Variants in TRIP4 observed in about 807,000 individuals in gnomAD.
TRIP4 encodes thyroid hormone receptor interactor 4.
A neutral mutation model predicts 81.8 loss-of-function variants in TRIP4; 54 were observed. That is an observed-to-expected ratio of 0.66 (90% confidence interval 0.53 to 0.83). The LOEUF is 0.83. TRIP4 is among the 40% of genes least tolerant of loss of function. TRIP4 has a pLI of 0.00. For synonymous variants in TRIP4, 270 were observed against 242.8 expected, an observed-to-expected ratio of 1.11 and a Z score of -1.04; for missense variants, 662 against 683.6, an observed-to-expected ratio of 0.97 and a Z score of 0.35.
rs559289135 is a variant in TRIP4 at position 64,387,853 on chromosome 15, G to A, written c.-11G>A. 6 of 1,542,856 alleles carry A rather than the reference G, an allele frequency of 3.9e-6. No homozygotes were observed. The highest frequency in any genetic ancestry group is 1.4e-5 in the African/African-American group (1 of 73,116). On this transcript the variant is annotated 5_prime_UTR_variant, in exon 1 of 13. Coordinates refer to ENST00000261884, the MANE Select transcript of TRIP4 (RefSeq NM_016213.5). ...GGGCTTTTGCAGCTCAGCTGGTTCC[G>A]GCTGGGGAAGATGGCGGTGGCTGGG...
In TRIP4 at chr15:64,445,024, G is replaced by C; in HGVS notation, c.1594G>C (p.Glu532Gln). 6.3e-7 allele frequency: 1 copy of C among 1,584,236 alleles called. No individual in the cohort carries two copies. Among genetic ancestry groups the C allele is most frequent in the Non-Finnish European group, 8.6e-7 (1 of 1,156,568 alleles). The change falls in exon 12 of 13, where the codon GAG becomes CAG. Residue 532 changes from glutamate (E) to glutamine (Q), a missense_variant. Coordinates refer to ENST00000261884, the MANE Select transcript of TRIP4 (RefSeq NM_016213.5). ...FKEQFPDISQ[E>Q]SDSPFVFICK... Reference sequence around the variant, plus strand: ...TTCACAGTTTCCAGACATCAGTCAAGAGTCTGATTCTCCATTTGTTTTCAT... The same window carrying C: ...TTCACAGTTTCCAGACATCAGTCAACAGTCTGATTCTCCATTTGTTTTCAT...
chr15:64,424,857 C>T (rs977798769), intron 10 of TRIP4, among the ~76,000 whole-genome samples: 1 of 152,146 alleles, frequency 6.6e-6, no homozygotes, highest in Non-Finnish European at 1.5e-5. Flanking sequence ...CTCACTGCAA[C>T]TTCCGCCTTC....
chr15:64,412,937 A>G (rs1891800575), intron 7 of TRIP4, among the ~76,000 whole-genome samples: 1 of 152,190 alleles, frequency 6.6e-6, no homozygotes, highest in Admixed American at 6.5e-5. Flanking sequence ...CATCATAGGC[A>G]TGGGATAACA....
intron 11 of TRIP4, among the ~76,000 whole-genome samples, chr15:64,439,923 A>G (rs1017469358): frequency 2.6e-5 from 4 of 152,076 alleles, no homozygotes; most frequent in African/African-American, 9.7e-5. Context: ...TGATCATTTC[A>G]GTACAAGAAT....
At chr15:64,426,061 C>A (rs1892134994) in intron 11 of TRIP4, among the ~76,000 whole-genome samples, 1 of 151,934 alleles carries the variant, frequency 6.6e-6, no homozygotes, top group Non-Finnish European at 1.5e-5. Context: ...CCAGCCTGGG[C>A]AACCGAGTGA....
At chr15:64,390,319 G>A (rs909269646) in intron 1 of TRIP4, among the ~76,000 whole-genome samples, 15 of 149,264 alleles carry the variant, frequency 1.0e-4, no homozygotes, top group East Asian at 2.1e-4. Context: ...AAACTTAGTC[G>A]GGTGTGGTGG....
intron 12 of TRIP4, among the ~76,000 whole-genome samples, chr15:64,450,165 G>A (rs1457932203): frequency 2.0e-5 from 3 of 151,994 alleles, no homozygotes; most frequent in Non-Finnish European, 4.4e-5. Context: ...AGGCCGAGGC[G>A]GATCACAAGG....
intron 12 of TRIP4, among the ~76,000 whole-genome samples, chr15:64,450,317 A>T (rs1892726494): frequency 7.2e-6 from 1 of 139,134 alleles, no homozygotes; most frequent in South Asian, 2.5e-4. Flanking sequence ...TGAACCCGGG[A>T]GGCGGAGCTT....
Position 64,387,892 on chromosome 15 carries a change from A to AGCCGCTGGT in TRIP4, c.32_40dup (p.Pro11_Val13dup). On this transcript the variant is annotated inframe_insertion, in exon 1 of 13. Coordinates refer to ENST00000261884, the MANE Select transcript of TRIP4 (RefSeq NM_016213.5). ...GCGGTGGCTGGGGCGGTGTCCGGGG[A>AGCCGCTGGT]GCCGCTGGTGCACTGGTGCACCCAG... The AGCCGCTGGT allele has an allele frequency of 6.5e-7, 1 of 1,548,978 alleles. No homozygotes were observed. Among genetic ancestry groups the AGCCGCTGGT allele is most frequent in the Non-Finnish European group, 8.7e-7 (1 of 1,146,888 alleles).
intron 9 of TRIP4, among the ~76,000 whole-genome samples, chr15:64,423,708 A>G (rs1033453608): frequency 2.0e-5 from 3 of 152,122 alleles, no homozygotes; most frequent in Non-Finnish European, 2.9e-5. Flanking sequence ...CCTTGAAAAT[A>G]TAGGATTTGT....
At chr15:64,430,882 G>T (rs1004581680) in intron 11 of TRIP4, among the ~76,000 whole-genome samples, 1 of 152,116 alleles carries the variant, frequency 6.6e-6, no homozygotes, top group Non-Finnish European at 1.5e-5. Flanking sequence ...TAGACTTGTA[G>T]TCTTCCAATA....
At chr15:64,404,610 C>G (rs1198529414) in intron 5 of TRIP4, among the ~76,000 whole-genome samples, 1 of 152,122 alleles carries the variant, frequency 6.6e-6, no homozygotes, top group African/African-American at 2.4e-5. Flanking sequence ...CGCGCTCGGC[C>G]TGTAATTTTA....
At chr15:64,414,009 G>A (rs1891830246) in intron 7 of TRIP4, 76 bp from the exon 8 acceptor site, 1 of 1,536,056 alleles carries the variant, frequency 6.5e-7, no homozygotes, top group Middle Eastern at 1.7e-4. Flanking sequence ...TACTATTAAA[G>A]CATTTTATGT....
At chr15:64,420,562 C>T (rs1341386016) in intron 9 of TRIP4, among the ~76,000 whole-genome samples, 3 of 143,948 alleles carry the variant, frequency 2.1e-5, no homozygotes, top group Non-Finnish European at 3.0e-5. Context: ...CTTGCTCTGT[C>T]GCCCTAGCTG....
chr15:64,421,776 G>A (rs1258411099), intron 9 of TRIP4, among the ~76,000 whole-genome samples: 1 of 152,168 alleles, frequency 6.6e-6, no homozygotes, highest in Non-Finnish European at 1.5e-5. Flanking sequence ...GGGCACGGTG[G>A]CTCACGCCTA....
Position 64,398,611 on chromosome 15 carries a change from T to C in TRIP4, c.618+793T>C, listed in dbSNP as rs548679873. Among the ~76,000 whole-genome samples, 5 of 152,094 alleles carry C rather than the reference T, an allele frequency of 3.3e-5. No homozygotes were observed. In the East Asian group the frequency reaches 9.7e-4, roughly 30 times the overall value. The stretch of plus-strand genomic sequence containing the variant: ...GAAAGAACCCCAGGTTATATCCTAG[T>C]ACTGAGGCCATTAATGAGAAGGGTT... On this transcript the variant is annotated intron_variant, in intron 4 of 12. Transcript: ENST00000261884.
At chr15:64,405,264 C>T (rs2140288996) in intron 5 of TRIP4, among the ~76,000 whole-genome samples, 1 of 151,720 alleles carries the variant, frequency 6.6e-6, no homozygotes, top group East Asian at 1.9e-4. Context: ...ATGCCATTGT[C>T]CTGCCTCAGC....
At chr15:64,439,187 T>G (rs1268176819) in intron 11 of TRIP4, among the ~76,000 whole-genome samples, 1 of 152,204 alleles carries the variant, frequency 6.6e-6, no homozygotes, top group Non-Finnish European at 1.5e-5. Flanking sequence ...GTGGTAGTTA[T>G]CCTGTGACAC....
chr15:64,431,847 A>ATATATATATATATATATATATTT, intron 11 of TRIP4, among the ~76,000 whole-genome samples: 4 of 119,558 alleles, frequency 3.3e-5, no homozygotes, highest in African/African-American at 1.3e-4. Context: ...ATATATATAT[A>ATATATATATATATATATATATTT]TTTTTTTTAT....
Sources: gnomAD v4.1 joint callset for allele counts (sites outside exome capture counted in the v4.1 genomes callset) on GRCh38, gnomAD v4.1.1 for gene constraint, MANE v1.5 for transcripts, NCBI Gene and HGNC (gene_info 2026-07-23, HGNC 2026-07-21) for gene names.